ATP8A1: variants seen among roughly 807,000 people sequenced by gnomAD.
ATP8A1 encodes phospholipid-transporting ATPase IA.
In ATP8A1, 90 loss-of-function variants were observed where a neutral mutation model predicts 177.7. That is an observed-to-expected ratio of 0.51 (90% confidence interval 0.43 to 0.60). ATP8A1 has a LOEUF of 0.60. Among genes scored for constraint, ATP8A1 ranks in the 20% least tolerant of loss-of-function variants. The pLI is 0.00. For synonymous variants in ATP8A1, 493 were observed against 485.9 expected (o/e 1.01, Z -0.19); for missense variants, 1,072 against 1,392.8 (o/e 0.77, Z 3.67).
At chr4:42,418,113 A>G (rs886358961) in intron 35 of ATP8A1, among the ~76,000 whole-genome samples, 1 of 152,194 alleles carries the variant, frequency 6.6e-6, no homozygotes, top group Non-Finnish European at 1.5e-5. Context: ...TAAGATGAAC[A>G]ATACATCAGA....
At chr4:42,583,072 T>C (rs929120633) in intron 9 of ATP8A1, among the ~76,000 whole-genome samples, 10 of 152,158 alleles carry the variant, frequency 6.6e-5, no homozygotes, top group African/African-American at 2.4e-4. Flanking sequence ...TCTTTGTAAG[T>C]GGAGGCAAAG....
At chr4:42,615,476 T>G (rs771785804) in intron 5 of ATP8A1, among the ~76,000 whole-genome samples, 10 of 151,998 alleles carry the variant, frequency 6.6e-5, no homozygotes, top group Non-Finnish European at 1.2e-4. Flanking sequence ...TAGAGCATGA[T>G]GGCGAATTTG....
Position 42,556,012 on chromosome 4 carries a change from T to C in ATP8A1, c.1369A>G (p.Thr457Ala), listed in dbSNP as rs1422083797. Residue 457 changes from threonine to alanine, a missense_variant, in exon 16 of 37, where the codon ACA (threonine) becomes GCA (alanine). Thr to Ala is a moderately conservative substitution (Grantham distance 58). This residue lies in a region of ATP8A1 where 388 missense variants were observed against 471.7 expected (regional missense o/e 0.82). Transcript: ENST00000381668. ...WQNSQFGDEK[T>A]FSDSSLLENL... The stretch of plus-strand genomic sequence containing the variant: ...TCCAGCAATGATGAATCACTAAATG[T>C]TTTTTCATCTCCAAACTGTGAGTTC... The C allele has an allele frequency of 1.1e-5, 17 of 1,612,010 alleles. No homozygotes were observed. Among genetic ancestry groups the C allele is most frequent in the Non-Finnish European group, 1.4e-5 (17 of 1,178,942 alleles).
At chr4:42,557,480 AT>A (rs1343354661) in intron 15 of ATP8A1, among the ~76,000 whole-genome samples, 1 of 152,178 alleles carries the variant, frequency 6.6e-6, no homozygotes, top group Non-Finnish European at 1.5e-5. Flanking sequence ...CAAGAAGTCT[AT>A]TTTCTTTCCA....
At chr4:42,581,758 A>G (rs752243693) in intron 9 of ATP8A1, 26 bp from the exon 10 acceptor site, 1 of 1,549,900 alleles carries the variant, frequency 6.5e-7, no homozygotes, top group African/African-American at 1.4e-5. Context: ...TTGACATTAG[A>G]AACAGTATTT....
chr4:42,605,533 C>T (rs1735711111), intron 5 of ATP8A1, among the ~76,000 whole-genome samples: 1 of 152,202 alleles, frequency 6.6e-6, no homozygotes, highest in Non-Finnish European at 1.5e-5. Flanking sequence ...AGAGTCTTCA[C>T]TCAATAACGG....
intron 27 of ATP8A1, among the ~76,000 whole-genome samples, chr4:42,460,254 C>G (rs1560348486): frequency 6.6e-6 from 1 of 151,800 alleles, no homozygotes; most frequent in Non-Finnish European, 1.5e-5. Context: ...GACAGAGGCA[C>G]AAAGAACAGG....
chr4:42,534,313 T>C (rs1175815272), intron 20 of ATP8A1, among the ~76,000 whole-genome samples: 1 of 151,948 alleles, frequency 6.6e-6, no homozygotes, highest in African/African-American at 2.4e-5. Flanking sequence ...GTGAAACAGA[T>C]AGCATAAATA....
At chr4:42,429,170 G>A (rs1424886912) in intron 33 of ATP8A1, among the ~76,000 whole-genome samples, 1 of 152,146 alleles carries the variant, frequency 6.6e-6, no homozygotes, top group Non-Finnish European at 1.5e-5. Flanking sequence ...GTTATTCTAG[G>A]GAGAGTTATT....
At chr4:42,580,443 G>T (rs1417125293) in intron 10 of ATP8A1, among the ~76,000 whole-genome samples, 5 of 152,148 alleles carry the variant, frequency 3.3e-5, no homozygotes, top group African/African-American at 7.2e-5. Flanking sequence ...ATTTCTGGTG[G>T]CATTTAGCAA....
chr4:42,586,522 T>C (rs1286745979), intron 8 of ATP8A1, 46 bp from the exon 9 acceptor site: 3 of 1,582,440 alleles, frequency 1.9e-6, no homozygotes, highest in Non-Finnish European at 2.6e-6. Flanking sequence ...AAATAAGTTG[T>C]ATCTGGGCAA....
At chr4:42,505,978 A>G (rs1724322689) in intron 23 of ATP8A1, among the ~76,000 whole-genome samples, 1 of 152,142 alleles carries the variant, frequency 6.6e-6, no homozygotes, top group African/African-American at 2.4e-5. Context: ...CCAATGCCAA[A>G]CAACTTTCCC....
At chr4:42,521,436 C>A (rs1726121063) in intron 22 of ATP8A1, among the ~76,000 whole-genome samples, 1 of 152,136 alleles carries the variant, frequency 6.6e-6, no homozygotes, top group South Asian at 2.1e-4. Flanking sequence ...GTGCTATGAA[C>A]AGCACCTGGC....
At chr4:42,540,144 AAAG>A (rs148006269) in intron 20 of ATP8A1, among the ~76,000 whole-genome samples, 1,538 of 152,310 alleles carry the variant, frequency 0.01, 20 homozygotes, top group African/African-American at 0.035. Flanking sequence ...GCATTTCTCA[AAAG>A]AAGACATACA....
intron 33 of ATP8A1, among the ~76,000 whole-genome samples, chr4:42,430,786 C>T (rs540348136): frequency 6.6e-5 from 10 of 152,098 alleles, no homozygotes; most frequent in Non-Finnish European, 1.3e-4. Flanking sequence ...TTACTAGTCA[C>T]CCCCTCCCTC....
At chr4:42,604,931 T>C (rs1168294671) in intron 5 of ATP8A1, among the ~76,000 whole-genome samples, 2 of 152,192 alleles carry the variant, frequency 1.3e-5, no homozygotes, top group African/African-American at 4.8e-5. Context: ...GGGCCACGTA[T>C]TGTATGATCC....
At chr4:42,449,459 GACTACTCTTTCAGA>G (rs1717698068) in intron 30 of ATP8A1, among the ~76,000 whole-genome samples, 1 of 152,134 alleles carries the variant, frequency 6.6e-6, no homozygotes, top group Admixed American at 6.5e-5. Flanking sequence ...AGGGTCTACA[GACTACTCTTTCAGA>G]ACTGCTGAGG....
chr4:42,529,492 A>C (rs891595568), intron 20 of ATP8A1, among the ~76,000 whole-genome samples: 4 of 152,160 alleles, frequency 2.6e-5, no homozygotes, highest in Non-Finnish European at 4.4e-5. Flanking sequence ...TGCATCATCA[A>C]ATTGAAGTGG....
chr4:42,508,094 A>G (rs1048699447), intron 22 of ATP8A1, among the ~76,000 whole-genome samples: 3 of 152,194 alleles, frequency 2.0e-5, no homozygotes, highest in Non-Finnish European at 4.4e-5. Flanking sequence ...CATAAGACCA[A>G]ACACAACCAA....
Sources: allele counts gnomAD v4.1 joint callset (sites outside exome capture counted in the v4.1 genomes callset), GRCh38; gene constraint gnomAD v4.1.1; regional missense constraint gnomAD v4.1.1; transcripts MANE v1.5; gene names NCBI Gene and HGNC (gene_info 2026-07-23, HGNC 2026-07-21).